IQCM: variants seen among roughly 807,000 people sequenced by gnomAD.
IQCM encodes the protein IQ domain-containing protein M.
Under a neutral mutation model 57.6 loss-of-function variants are expected in IQCM, and 45 were observed. That is an observed-to-expected ratio of 0.78 (90% confidence interval 0.62 to 1.00). The LOEUF (loss-of-function observed/expected upper bound fraction) is 1.00. IQCM is among the 50% of genes least tolerant of loss of function. The pLI is 0.00. For missense variants in IQCM, 468 were observed against 511.6 expected (o/e 0.91, Z 0.82); for synonymous variants, 148 against 158.9 (o/e 0.93, Z 0.51).
At chr4:149,692,711 T>C (rs542873700) in intron 5 of IQCM, among the ~76,000 whole-genome samples, 1 of 152,246 alleles carries the variant, frequency 6.6e-6, no homozygotes, top group Non-Finnish European at 1.5e-5. Flanking sequence ...GATAAACCTT[T>C]AGATGGCAAC....
intron 5 of IQCM, among the ~76,000 whole-genome samples, chr4:149,728,782 TATTC>T (rs1440251105): frequency 2.0e-5 from 3 of 152,172 alleles, no homozygotes; most frequent in African/African-American, 7.2e-5. Context: ...GGACACTAAA[TATTC>T]ATTCCTTCTT....
chr4:149,663,482 G>C (rs1158682424), intron 7 of IQCM, among the ~76,000 whole-genome samples: 2 of 152,056 alleles, frequency 1.3e-5, no homozygotes, highest in African/African-American at 4.8e-5. Context: ...GGCTAGGCTA[G>C]TGATGAATTC....
At chr4:149,559,678 T>C (rs1451792902) in intron 10 of IQCM, among the ~76,000 whole-genome samples, 1 of 152,188 alleles carries the variant, frequency 6.6e-6, no homozygotes, top group East Asian at 1.9e-4. Flanking sequence ...TAGTAACTAT[T>C]ATCAAATCAA....
intron 8 of IQCM, among the ~76,000 whole-genome samples, chr4:149,605,093 C>T (rs989097855): frequency 6.6e-6 from 1 of 152,172 alleles, no homozygotes; most frequent in African/African-American, 2.4e-5. Context: ...GTGTATGGGC[C>T]TAGTGCTCCC....
intron 10 of IQCM, 34 bp downstream of exon 10, chr4:149,563,658 T>G (rs1464199725): frequency 8.3e-7 from 1 of 1,204,070 alleles, no homozygotes; most frequent in Non-Finnish European, 1.0e-6. Context: ...ATGAGAAATT[T>G]TAAACACATT....
intron 13 of IQCM, among the ~76,000 whole-genome samples, chr4:149,379,436 A>G (rs1730926705): frequency 6.6e-6 from 1 of 152,192 alleles, no homozygotes; most frequent in African/African-American, 2.4e-5. Flanking sequence ...GCCCAAGACC[A>G]TGGGAATCTA....
Position 149,491,427 on chromosome 4 carries a change from T to A in IQCM, c.1228+57028A>T, listed in dbSNP as rs536753834. 6.6e-5 allele frequency among the ~76,000 whole-genome samples: 10 copies of A among 152,146 alleles called. No homozygotes were observed. The East Asian group carries it at 1.9e-3, about 29-fold the overall frequency. ...GTATCCTTTGACCAACCCGCAACCC[T>A]CAGCCCCTGGTAAACCATCATTCTA... On this transcript the variant is annotated intron_variant, in intron 12 of 13. Coordinates refer to ENST00000636793, the MANE Select transcript of IQCM (RefSeq NM_001363507.2).
At chr4:149,630,626 C>T (rs1757184850) in intron 7 of IQCM, among the ~76,000 whole-genome samples, 1 of 151,816 alleles carries the variant, frequency 6.6e-6, no homozygotes, top group Admixed American at 6.6e-5. Context: ...TCATATGTAC[C>T]TTACCTATTT....
intron 5 of IQCM, among the ~76,000 whole-genome samples, chr4:149,696,976 T>C (rs1395398849): frequency 6.6e-6 from 1 of 152,148 alleles, no homozygotes; most frequent in Non-Finnish European, 1.5e-5. Flanking sequence ...ATCTAAGCCA[T>C]CATTATCTCT....
chr4:149,582,798 G>A (rs1347954926), intron 9 of IQCM, among the ~76,000 whole-genome samples: 16 of 151,544 alleles, frequency 1.1e-4, no homozygotes, highest in Non-Finnish European at 1.5e-5. Context: ...GATGTCTAAT[G>A]ATAAGCAGGC....
intron 12 of IQCM, among the ~76,000 whole-genome samples, chr4:149,459,371 A>G (rs751401721): frequency 2.0e-5 from 3 of 152,252 alleles, no homozygotes; most frequent in African/African-American, 4.8e-5. Context: ...AAAAGAGAAC[A>G]GTGAAGAAGT....
At chr4:149,572,876 T>C (rs1046214324) in intron 9 of IQCM, among the ~76,000 whole-genome samples, 14 of 152,016 alleles carry the variant, frequency 9.2e-5, no homozygotes, top group Admixed American at 5.9e-4. Context: ...TGGTTCAAGA[T>C]GCATTTCCAA....
rs1446246963 is a variant in IQCM, at chr4:149,548,506, G to A, written c.1177C>T (p.His393Tyr). ...TCAACTTGTTTCTGAGTTGGGAAATGACCACAGTCACTGAAGAAATTGGGG... is the reference window on the plus strand; with the variant it reads ...TCAACTTGTTTCTGAGTTGGGAAATAACCACAGTCACTGAAGAAATTGGGG... The part of the protein sequence containing the change: ...ELPNFFSDCG[H>Y]FPTQKQVDDT... Residue 393 changes from histidine to tyrosine, a missense_variant, in exon 12 of 14, where the codon CAT (histidine) becomes TAT (tyrosine). Physicochemically the swap from His to Tyr is moderately conservative, Grantham distance 83. Coordinates refer to ENST00000636793, the MANE Select transcript of IQCM (RefSeq NM_001363507.2). 2.4e-6 allele frequency: 3 copies of A among 1,231,682 alleles called. No homozygotes were observed. The highest frequency in any genetic ancestry group is 2.0e-6 in the Non-Finnish European group (2 of 987,736). The allele number at this position is 1,231,682 out of a possible 1,614,324, so 76.3% of individuals were successfully genotyped here.
intron 2 of IQCM, among the ~76,000 whole-genome samples, chr4:149,751,868 A>C (rs1768480915): frequency 6.6e-6 from 1 of 152,174 alleles, no homozygotes; most frequent in East Asian, 1.9e-4. Flanking sequence ...AACAGAGAAC[A>C]CAAAGAAGGA....
intron 13 of IQCM, chr4:149,430,165 G>A (rs555417137): frequency 1.8e-3 from 795 of 441,612 alleles, no homozygotes; most frequent in Non-Finnish European, 2.2e-3. Context: ...ATAGAACTGA[G>A]CACTTAAATA....
At chr4:149,719,827 G>A (rs1357542177) in intron 5 of IQCM, among the ~76,000 whole-genome samples, 3 of 152,246 alleles carry the variant, frequency 2.0e-5, no homozygotes, top group South Asian at 2.1e-4. Context: ...TGACATAACA[G>A]TCCTACCCAA....
chr4:149,661,038 GGTATCTTT>G (rs1433870554), intron 7 of IQCM, among the ~76,000 whole-genome samples: 1 of 151,684 alleles, frequency 6.6e-6, no homozygotes, highest in Non-Finnish European at 1.5e-5. Context: ...AAGATAAATG[GGTATCTTT>G]GTCTTGTTTC....
chr4:149,733,124 ATTG>A, intron 5 of IQCM, 117 bp downstream of exon 5: 1 of 931,082 alleles, frequency 1.1e-6, no homozygotes, highest in Non-Finnish European at 1.4e-6. Context: ...CCTACCTTTC[ATTG>A]TTAAGATTTA....
intron 12 of IQCM, among the ~76,000 whole-genome samples, chr4:149,525,505 A>T (rs1264161404): frequency 2.0e-5 from 3 of 151,906 alleles, no homozygotes; most frequent in African/African-American, 4.8e-5. Context: ...ATGAGAATTT[A>T]ATGTACAAAG....
Sources: allele counts gnomAD v4.1 joint callset (sites outside exome capture counted in the v4.1 genomes callset), GRCh38; gene constraint gnomAD v4.1.1; transcripts MANE v1.5; gene names NCBI Gene and HGNC (gene_info 2026-07-23, HGNC 2026-07-21).